CPSF4: variants seen among roughly 807,000 people sequenced by gnomAD.
The protein encoded by CPSF4 is cleavage and polyadenylation specificity factor subunit 4.
Under a neutral mutation model 37.7 loss-of-function variants are expected in CPSF4, and 11 were observed. The observed-to-expected ratio is 0.29, with a 90% CI of 0.18 to 0.48. CPSF4 has a LOEUF of 0.48. CPSF4 is among the 20% of genes least tolerant of loss of function. CPSF4 has a pLI of 0.99. For missense variants in CPSF4, 144 were observed against 359.5 expected, an observed-to-expected ratio of 0.40 and a Z score of 4.85; for synonymous variants, 132 against 135.9, an observed-to-expected ratio of 0.97 and a Z score of 0.20.
chr7:99,456,584 G>A lies in CPSF4; in HGVS notation c.*84G>A, dbSNP rs749957318. On this transcript the variant is annotated 3_prime_UTR_variant, in exon 8 of 8. Transcript: ENST00000292476. The stretch of plus-strand genomic sequence containing the variant: ...AACTGTTTCATGCGCTTGTTGGCGC[G>A]ACTGTGGCTCGAGCTGGCCCGCAGA... 15 of 1,189,256 alleles carry A rather than the reference G, an allele frequency of 1.3e-5. No homozygotes were observed. The highest frequency in any genetic ancestry group is 7.1e-5 in the East Asian group (3 of 42,338). 73.7% of individuals were successfully genotyped at this position (1,189,256 alleles called of 1,614,324 possible). A position where few individuals can be genotyped will look rare whatever the true frequency, so the allele number is the denominator to read the frequency against.
chr7:99,450,975 G>A (rs566736433), intron 5 of CPSF4, 180 bp downstream of exon 5: 32 of 591,724 alleles, frequency 5.4e-5, no homozygotes, highest in Middle Eastern at 4.5e-4. Context: ...TCCTGAGCCC[G>A]CAGGTGGCTC....
Position 99,456,427 on chromosome 7 carries a change from C to T in CPSF4, c.742-5C>T, listed in dbSNP as rs755259100. ...TCCTCTTCCCCCACTTCCTGCTGTT[C>T]CCAGTGTGGCGAGAAAGGACACTAC... On this transcript the variant is annotated splice_region_variant and splice_polypyrimidine_tract_variant and intron_variant, in intron 7 of 7. Coordinates refer to ENST00000292476, the MANE Select transcript of CPSF4 (RefSeq NM_006693.4). 1.4e-5 allele frequency: 23 copies of T among 1,613,920 alleles called. No individual in the cohort carries two copies. Among genetic ancestry groups the T allele is most frequent in the Non-Finnish European group, 1.4e-5 (17 of 1,179,810 alleles).
At chr7:99,450,472 C>T in intron 4 of CPSF4, 101 bp downstream of exon 4, 1 of 849,832 alleles carries the variant, frequency 1.2e-6, no homozygotes, top group Admixed American at 2.3e-5. Context: ...CCCAGCAAAA[C>T]CTGACATTCT....
At chr7:99,439,220 A>C in intron 1 of CPSF4, 35 bp downstream of exon 1, 1 of 1,494,018 alleles carries the variant, frequency 6.7e-7, no homozygotes, top group South Asian at 1.2e-5. Context: ...GGCAAGAGCG[A>C]CTCGAACCCG....
At chr7:99,445,293 A>C (rs45494100) in intron 2 of CPSF4, among the ~76,000 whole-genome samples, 13 of 152,168 alleles carry the variant, frequency 8.5e-5, no homozygotes, top group African/African-American at 3.1e-4. Context: ...CCAGCCCTCA[A>C]CACAGACTAC....
chr7:99,446,946 C>T (rs374764421), intron 2 of CPSF4, among the ~76,000 whole-genome samples: 2 of 150,960 alleles, frequency 1.3e-5, no homozygotes, highest in African/African-American at 2.4e-5. Flanking sequence ...CACACCACCA[C>T]GCCCAGCTAA....
chr7:99,454,169 C>A, intron 7 of CPSF4, 33 bp downstream of exon 7: 1 of 1,583,020 alleles, frequency 6.3e-7, no homozygotes, highest in Non-Finnish European at 8.6e-7. Context: ...AGGGTGGGGT[C>A]TTCCCTTACC....
At chr7:99,447,056 A>G (rs112475236) in intron 2 of CPSF4, among the ~76,000 whole-genome samples, 15,262 of 150,244 alleles carry the variant, frequency 0.1, 1,374 homozygotes, top group African/African-American at 0.25. Flanking sequence ...CTCCCAAACT[A>G]CTGCGATTGC....
rs748406462 is a variant in CPSF4, at chr7:99,442,881, C to T, written c.104-1908C>T. The T allele has an allele frequency of 3.4e-6, 4 of 1,175,630 alleles. No individual in the cohort carries two copies. The African/African-American group carries it at 4.5e-5, about 13-fold the overall frequency. The allele number at this position is 1,175,630 out of a possible 1,614,324, so 72.8% of individuals were successfully genotyped here. A position where few individuals can be genotyped will look rare whatever the true frequency, so the allele number is the denominator to read the frequency against. Reference sequence around the variant, plus strand: ...AGAACAGAAAGTATCAAGAACCTTTCATCAGGCAATGCCAAAGCGCTCTGC... The same window carrying T: ...AGAACAGAAAGTATCAAGAACCTTTTATCAGGCAATGCCAAAGCGCTCTGC... On this transcript the variant is annotated intron_variant, in intron 1 of 7. Transcript: ENST00000292476.
At position 99,453,427 on chromosome 7, in the gene CPSF4, T is replaced by TA. The variant is rs1434592180; in HGVS notation, c.571-538dup. The stretch of plus-strand genomic sequence containing the variant: ...GGTTTTCTAGCTCGGGTTCTGCACT[T>TA]ACGGGCCAGAGCCAGGAGCCCACCT... On this transcript the variant is annotated intron_variant, in intron 6 of 7. Coordinates refer to ENST00000292476, the MANE Select transcript of CPSF4 (RefSeq NM_006693.4). The surrounding 1 kb of genome is among the most constrained non-coding windows in gnomAD (Gnocchi z 4.7). 6.6e-6 allele frequency among the ~76,000 whole-genome samples: 1 copy of TA among 152,152 alleles called. No homozygotes were observed. Among genetic ancestry groups the TA allele is most frequent in the Non-Finnish European group, 1.5e-5 (1 of 68,022 alleles).
In CPSF4 at chr7:99,448,093, T is replaced by C; in HGVS notation, c.155-28T>C. 10 of 1,611,424 alleles carry C rather than the reference T, an allele frequency of 6.2e-6. No homozygotes were observed. Among genetic ancestry groups the C allele is most frequent in the Non-Finnish European group, 8.5e-6 (10 of 1,178,618 alleles). On this transcript the variant is annotated intron_variant, in intron 2 of 7. Transcript: ENST00000292476. The surrounding 1 kb of genome is among the most constrained non-coding windows in gnomAD (Gnocchi z 4.4). Reference sequence around the variant, plus strand: ...CCCAGGCTCAGGGTGGCCTCTCTGCTGACACCCTGTCCCTATCTTGCCGGC... The same window carrying C: ...CCCAGGCTCAGGGTGGCCTCTCTGCCGACACCCTGTCCCTATCTTGCCGGC...
At chr7:99,454,851 C>G (rs1438680206) in intron 7 of CPSF4, among the ~76,000 whole-genome samples, 1 of 152,164 alleles carries the variant, frequency 6.6e-6, no homozygotes, top group Non-Finnish European at 1.5e-5. Flanking sequence ...CCAAGGCGCA[C>G]ACAATTCCTA....
chr7:99,443,078 G>A (rs1797165381), intron 1 of CPSF4: 1 of 974,984 alleles, frequency 1.0e-6, no homozygotes, highest in Non-Finnish European at 1.7e-6. Context: ...GCTTATCCAA[G>A]TTAACCATAG....
rs182181955 is a variant in CPSF4, at chr7:99,448,712, C to T, written c.307+439C>T. The T allele has an allele frequency of 7.2e-4, 113 of 156,706 alleles. No homozygotes were observed. Among genetic ancestry groups the T allele is most frequent in the Non-Finnish European group, 4.4e-4 (31 of 70,934 alleles). The allele number at this position is 156,706 out of a possible 1,614,324, so 9.7% of individuals were successfully genotyped here. On this transcript the variant is annotated intron_variant, in intron 3 of 7. Transcript: ENST00000292476. The surrounding 1 kb of genome is among the most constrained non-coding windows in gnomAD (Gnocchi z 4.4). ...GTTGTGCAGCTGGCTGCATTATGTCCGTGGTTGGTTTCTGTCCACGTCCAC... is the reference window on the plus strand; with the variant it reads ...GTTGTGCAGCTGGCTGCATTATGTCTGTGGTTGGTTTCTGTCCACGTCCAC...
At chr7:99,441,545 T>G in intron 1 of CPSF4, 1 of 456,152 alleles carries the variant, frequency 2.2e-6, no homozygotes, top group South Asian at 1.5e-5. Context: ...CTCCTCTTCA[T>G]CCCCATCTGA....
In CPSF4 at chr7:99,438,999, TGCGGCGGGGCCG is replaced by T; in HGVS notation, c.-75_-64del. 2 of 1,409,570 alleles carry T rather than the reference TGCGGCGGGGCCG, an allele frequency of 1.4e-6. No individual in the cohort carries two copies. The highest frequency in any genetic ancestry group is 1.9e-6 in the Non-Finnish European group (2 of 1,065,974). 87.3% of individuals were successfully genotyped at this position (1,409,570 alleles called of 1,614,324 possible). A position where few individuals can be genotyped will look rare whatever the true frequency, so the allele number is the denominator to read the frequency against. On this transcript the variant is annotated 5_prime_UTR_variant, in exon 1 of 8. Transcript: ENST00000292476. ...CGAGGCGAAGCGAAGGAGGAGTGTGTGCGGCGGGGCCGGCGGCGGGTAAAGGCGAGAAGGCTG... is the reference window on the plus strand; with the variant it reads ...CGAGGCGAAGCGAAGGAGGAGTGTGTGCGGCGGGTAAAGGCGAGAAGGCTG...
At chr7:99,456,057 G>C (rs1222804892) in intron 7 of CPSF4, among the ~76,000 whole-genome samples, 1 of 152,238 alleles carries the variant, frequency 6.6e-6, no homozygotes, top group Non-Finnish European at 1.5e-5. Flanking sequence ...ACGGGGTGGC[G>C]GAGCTCAGGT....
At chr7:99,442,349 C>CT (rs754528809) in intron 1 of CPSF4, among the ~76,000 whole-genome samples, 2 of 151,722 alleles carry the variant, frequency 1.3e-5, no homozygotes, top group Non-Finnish European at 2.9e-5. Flanking sequence ...CTTTTCTTTT[C>CT]TTTTTTATTA....
intron 2 of CPSF4, among the ~76,000 whole-genome samples, chr7:99,447,422 G>A (rs183747265): frequency 1.2e-3 from 180 of 148,928 alleles, no homozygotes; most frequent in Non-Finnish European, 2.2e-3. Context: ...GCACCCACCC[G>A]CAAGCCGGGC....
Sources: allele counts gnomAD v4.1 joint callset (sites outside exome capture counted in the v4.1 genomes callset), GRCh38; gene constraint gnomAD v4.1.1; non-coding constraint Gnocchi (gnomAD v3.1); transcripts MANE v1.5; gene names NCBI Gene and HGNC (gene_info 2026-07-23, HGNC 2026-07-21).